Variants in GXYLT1 observed in about 807,000 individuals in gnomAD.
The protein encoded by GXYLT1 is glycosyltransferase 8 domain containing 3.
In GXYLT1, 29 loss-of-function variants were observed where a neutral mutation model predicts 54.0. The observed-to-expected ratio is 0.54, with a 90% confidence interval of 0.40 to 0.73. The LOEUF is 0.73. Ranked by LOEUF, GXYLT1 falls within the 30% of genes least tolerant of loss-of-function variation. The pLI, the probability that GXYLT1 is intolerant of heterozygous loss-of-function variation, is 0.00. For synonymous variants in GXYLT1, 176 were observed against 204.1 expected, an observed-to-expected ratio of 0.86 and a Z score of 1.17; for missense variants, 490 against 553.4, an observed-to-expected ratio of 0.89 and a Z score of 1.15.
intron 3 of GXYLT1, among the ~76,000 whole-genome samples, chr12:42,111,535 G>C (rs2065455925): frequency 6.6e-6 from 1 of 152,248 alleles, no homozygotes; most frequent in Non-Finnish European, 1.5e-5. Context: ...CTCACTGCTA[G>C]CACAGCAGTC....
intron 2 of GXYLT1, among the ~76,000 whole-genome samples, chr12:42,125,256 A>T (rs1380808009): frequency 6.6e-6 from 1 of 152,232 alleles, no homozygotes; most frequent in Admixed American, 6.5e-5. Flanking sequence ...TGTAAACATG[A>T]TACAAAACAC....
At chr12:42,134,796 A>G (rs2065610559) in intron 1 of GXYLT1, among the ~76,000 whole-genome samples, 2 of 152,374 alleles carry the variant, frequency 1.3e-5, no homozygotes, top group East Asian at 1.9e-4. Context: ...TAGTAGAAAT[A>G]TAAATTAATT....
chr12:42,131,502 T>C (rs758235786), intron 1 of GXYLT1, among the ~76,000 whole-genome samples: 12 of 152,194 alleles, frequency 7.9e-5, no homozygotes, highest in Admixed American at 2.0e-4. Context: ...GCCTAAGTAA[T>C]TGTGTATACT....
intron 5 of GXYLT1, among the ~76,000 whole-genome samples, chr12:42,105,415 T>A (rs2065413447): frequency 6.6e-6 from 1 of 152,312 alleles, no homozygotes; most frequent in East Asian, 1.9e-4. Context: ...ATTTTACGGG[T>A]GAGAACAAAC....
chr12:42,127,851 T>C (rs2136913843), intron 2 of GXYLT1, among the ~76,000 whole-genome samples: 1 of 152,358 alleles, frequency 6.6e-6, no homozygotes, highest in East Asian at 1.9e-4. Context: ...GGTTAGATTA[T>C]CTTTAAAAGT....
intron 2 of GXYLT1, among the ~76,000 whole-genome samples, chr12:42,120,392 A>T (rs187100423): frequency 1.3e-5 from 2 of 152,198 alleles, no homozygotes; most frequent in African/African-American, 4.8e-5. Flanking sequence ...CTAGTCAAAC[A>T]CTAGTATGTC....
chr12:42,131,158 A>C (rs937503886), intron 1 of GXYLT1, among the ~76,000 whole-genome samples: 1 of 152,182 alleles, frequency 6.6e-6, no homozygotes, highest in Non-Finnish European at 1.5e-5. Context: ...ATTACAAAAA[A>C]ATTGTTTTTC....
chr12:42,094,426 C>T (rs1038651654), intron 7 of GXYLT1, among the ~76,000 whole-genome samples: 1 of 148,608 alleles, frequency 6.7e-6, no homozygotes, highest in East Asian at 2.0e-4. Context: ...TGGAGGCTGA[C>T]GGTGGCAGAC....
chr12:42,127,345 ATGTT>A (rs2065568792), intron 2 of GXYLT1, among the ~76,000 whole-genome samples: 1 of 111,086 alleles, frequency 9.0e-6, no homozygotes, highest in Admixed American at 9.2e-5. Context: ...ATGACACAAA[ATGTT>A]TGCTTTTTTT....
intron 1 of GXYLT1, among the ~76,000 whole-genome samples, chr12:42,140,206 G>C (rs1001408298): frequency 1.4e-4 from 19 of 134,552 alleles, no homozygotes; most frequent in African/African-American, 5.3e-4. Context: ...AAGGCGGGGG[G>C]GGGGGGACTT....
chr12:42,092,582 G>C (rs1265425639), intron 7 of GXYLT1, among the ~76,000 whole-genome samples: 1 of 152,018 alleles, frequency 6.6e-6, no homozygotes, highest in Non-Finnish European at 1.5e-5. Context: ...ATAAGAACAA[G>C]AAGAAAAGAG....
chr12:42,097,823 C>A (rs1012783441), intron 6 of GXYLT1, 87 bp downstream of exon 6: 14 of 1,108,922 alleles, frequency 1.3e-5, no homozygotes, highest in Non-Finnish European at 1.7e-5. Context: ...TAATATAAGA[C>A]AGAATCAGAT....
At chr12:42,144,362 T>TAGGCCG in intron 1 of GXYLT1, 64 bp downstream of exon 1, 1 of 1,125,476 alleles carries the variant, frequency 8.9e-7, no homozygotes, top group Non-Finnish European at 1.2e-6. Flanking sequence ...CAGCCCGGGC[T>TAGGCCG]AGGCCGAGCC....
At chr12:42,125,555 T>C (rs979268011) in intron 2 of GXYLT1, among the ~76,000 whole-genome samples, 1 of 152,120 alleles carries the variant, frequency 6.6e-6, no homozygotes, top group Non-Finnish European at 1.5e-5. Context: ...TGGTCTGGTC[T>C]CAAAAGCCAG....
chr12:42,113,736 CAA>C (rs1431702004), intron 3 of GXYLT1, among the ~76,000 whole-genome samples: 1 of 150,976 alleles, frequency 6.6e-6, no homozygotes, highest in Non-Finnish European at 1.5e-5. Flanking sequence ...AGAAAGTTAA[CAA>C]GGATACCCAG....
intron 5 of GXYLT1, among the ~76,000 whole-genome samples, chr12:42,100,078 CTTG>C (rs1419079427): frequency 6.6e-6 from 1 of 151,998 alleles, no homozygotes; most frequent in African/African-American, 2.4e-5. Flanking sequence ...ATGCTCAAAA[CTTG>C]TTATTTGAAA....
chr12:42,129,439 A>G (rs1055880819), intron 2 of GXYLT1, among the ~76,000 whole-genome samples: 2 of 152,182 alleles, frequency 1.3e-5, no homozygotes, highest in African/African-American at 2.4e-5. Flanking sequence ...ATATATAGAT[A>G]TATCTGTAAA....
chr12:42,140,248 A>C (rs1314081275), intron 1 of GXYLT1, among the ~76,000 whole-genome samples: 1 of 142,470 alleles, frequency 7.0e-6, no homozygotes, highest in Non-Finnish European at 1.5e-5. Context: ...AATAGTGCCC[A>C]AACTATTCTC....
At chr12:42,113,586 C>T (rs1342283367) in intron 3 of GXYLT1, among the ~76,000 whole-genome samples, 4 of 150,940 alleles carry the variant, frequency 2.7e-5, no homozygotes, top group African/African-American at 9.9e-5. Flanking sequence ...AGCTAACTAT[C>T]CTAAATATAT....
Sources: gnomAD v4.1 joint callset for allele counts (sites outside exome capture counted in the v4.1 genomes callset) on GRCh38, gnomAD v4.1.1 for gene constraint, MANE v1.5 for transcripts, NCBI Gene and HGNC (gene_info 2026-07-23, HGNC 2026-07-21) for gene names.